ARHGEF18: variants seen among roughly 807,000 people sequenced by gnomAD.
The protein encoded by ARHGEF18 is rho guanine nucleotide exchange factor 18.
A neutral mutation model predicts 155.7 loss-of-function variants in ARHGEF18; 93 were observed. The observed-to-expected ratio is 0.60, with a 90% CI of 0.50 to 0.71. The LOEUF (loss-of-function observed/expected upper bound fraction) is 0.71. ARHGEF18 is among the 30% of genes least tolerant of loss of function. ARHGEF18 has a pLI of 0.00. For synonymous variants in ARHGEF18, 742 were observed against 753.1 expected, an observed-to-expected ratio of 0.99 and a Z score of 0.24; for missense variants, 1,593 against 1,816.1, an observed-to-expected ratio of 0.88 and a Z score of 2.23.
Position 7,448,798 on chromosome 19 carries a change from G to A in ARHGEF18, c.1737+1630G>A, listed in dbSNP as rs530654593. ...GTGGGTAGGTGCTCGAAGCCCAGCC[G>A]GAGTCAGCCAAGTCAAGGGAGACCC... is the stretch of plus-strand genomic sequence containing the variant. On this transcript the variant is annotated intron_variant, in intron 15 of 28. Coordinates refer to ENST00000668164, the MANE Select transcript of ARHGEF18 (RefSeq NM_001367823.1). Among the ~76,000 whole-genome samples, 174 of 152,162 alleles carry A rather than the reference G, an allele frequency of 1.1e-3. 1 individual carries two copies. The highest frequency in any genetic ancestry group is 4.0e-3 in the African/African-American group (166 of 41,502).
intron 10 of ARHGEF18, among the ~76,000 whole-genome samples, chr19:7,399,573 C>T (rs185912010): frequency 9.2e-5 from 14 of 151,892 alleles, no homozygotes; most frequent in East Asian, 3.9e-4. Context: ...GCTCCACCTC[C>T]GGGTTCACGC....
rs1971616257 is a variant in ARHGEF18 at position 7,395,103 on chromosome 19, C to T, written c.967+11900C>T. On this transcript the variant is annotated intron_variant, in intron 10 of 28. Transcript: ENST00000668164. This position sits in a 1 kb window ranked among gnomAD's most constrained non-coding sequence, Gnocchi z 5.0. ...CGCCTCCGAGGCGGGATCGCGCATG[C>T]GCTGCTCTCCTCGCGCGGCTTCCCG... is the stretch of plus-strand genomic sequence containing the variant. 3 of 985,410 alleles carry T rather than the reference C, an allele frequency of 3.0e-6. No homozygotes were observed. Among genetic ancestry groups the T allele is most frequent in the Non-Finnish European group, 3.6e-6 (3 of 829,998 alleles). The allele number at this position is 985,410 out of a possible 1,614,324, so 61.0% of individuals were successfully genotyped here.
intron 10 of ARHGEF18, among the ~76,000 whole-genome samples, chr19:7,426,807 G>A (rs148661336): frequency 2.6e-5 from 4 of 152,290 alleles, no homozygotes; most frequent in East Asian, 3.9e-4. Context: ...CTTTTAGGAC[G>A]AGACTGGTCC....
intron 5 of ARHGEF18, 22 bp downstream of exon 5, chr19:7,376,779 T>C: frequency 7.3e-6 from 9 of 1,228,712 alleles, no homozygotes; most frequent in Non-Finnish European, 9.2e-6. Context: ...GGGAGTTTCC[T>C]TCATTCAAAC....
At chr19:7,441,456 AGGCGT>A (rs1712902836) in intron 11 of ARHGEF18, among the ~76,000 whole-genome samples, 192 bp from the exon 12 acceptor site, 1 of 152,170 alleles carries the variant, frequency 6.6e-6, no homozygotes, top group Admixed American at 6.5e-5. Context: ...CTGGGATTAC[AGGCGT>A]GAGACACTGC....
intron 1 of ARHGEF18, among the ~76,000 whole-genome samples, chr19:7,354,679 C>T (rs908245462): frequency 1.4e-5 from 2 of 144,166 alleles, no homozygotes; most frequent in African/African-American, 2.5e-5. Context: ...GCAGGAGGAT[C>T]GCTTGTGCCT....
At chr19:7,422,340 C>A (rs111685123) in intron 10 of ARHGEF18, among the ~76,000 whole-genome samples, 2 of 152,158 alleles carry the variant, frequency 1.3e-5, no homozygotes, top group African/African-American at 4.8e-5. Context: ...CCTGTCTGCC[C>A]AGCTCCCGCC....
At position 7,444,198 on chromosome 19, in the gene ARHGEF18, C is replaced by T. The variant is rs755970396; in HGVS notation, c.1361-6C>T. Reference sequence around the variant, plus strand: ...TGGCTAAGTCCTGCCGTCTGTGTCCCTGCAGAGCTGATGCAGACAGAGGTG... The same window carrying T: ...TGGCTAAGTCCTGCCGTCTGTGTCCTTGCAGAGCTGATGCAGACAGAGGTG... On this transcript the variant is annotated splice_polypyrimidine_tract_variant and splice_region_variant and intron_variant, in intron 13 of 28. Transcript: ENST00000668164. This position sits in a 1 kb window ranked among gnomAD's most constrained non-coding sequence, Gnocchi z 4.7. The T allele has an allele frequency of 6.2e-7, 1 of 1,612,028 alleles. No homozygotes were observed. The highest frequency in any genetic ancestry group is 1.7e-5 in the Admixed American group (1 of 60,006).
At chr19:7,375,668 A>G in intron 3 of ARHGEF18, 52 bp from the exon 4 acceptor site, 1 of 1,233,318 alleles carries the variant, frequency 8.1e-7, no homozygotes, top group Non-Finnish European at 1.0e-6. Context: ...CTGGGGCAGC[A>G]GCCAGGTGGG....
At position 7,426,371 on chromosome 19, in the gene ARHGEF18, C is replaced by T. The variant is rs549800550; in HGVS notation, c.968-13973C>T. 5.9e-5 allele frequency among the ~76,000 whole-genome samples: 9 copies of T among 151,616 alleles called. No homozygotes were observed. The South Asian group carries it at 1.0e-3, about 18-fold the overall frequency. The stretch of plus-strand genomic sequence containing the variant: ...GCGTGGTGGAACGTGCCTGTCGTCC[C>T]GGCTACTCAGGAGGCTGAGGCAGGA... On this transcript the variant is annotated intron_variant, in intron 10 of 28. Coordinates refer to ENST00000668164, the MANE Select transcript of ARHGEF18 (RefSeq NM_001367823.1).
intron 2 of ARHGEF18, among the ~76,000 whole-genome samples, chr19:7,367,651 C>A (rs1969944856): frequency 6.7e-6 from 1 of 149,400 alleles, no homozygotes; most frequent in African/African-American, 2.5e-5. Flanking sequence ...GAGACTGAGG[C>A]AGGAGACTCA....
At position 7,458,705 on chromosome 19, in the gene ARHGEF18, G is replaced by C; in HGVS notation, c.2360+15G>C. On this transcript the variant is annotated intron_variant, in intron 19 of 28. Coordinates refer to ENST00000668164, the MANE Select transcript of ARHGEF18 (RefSeq NM_001367823.1). ...GCTGTGGAGAGGTGAGGAGGGCCTG[G>C]GGGTCTCCCCACCCACTGTGTTCCT... 6.2e-7 allele frequency: 1 copy of C among 1,600,854 alleles called. No individual in the cohort carries two copies. Among genetic ancestry groups the C allele is most frequent in the East Asian group, 2.2e-5 (1 of 44,476 alleles).
chr19:7,414,989 C>T lies in ARHGEF18; in HGVS notation c.968-25355C>T, dbSNP rs545882488. On this transcript the variant is annotated intron_variant, in intron 10 of 28. Transcript: ENST00000668164. ...CAGCCTGGGCCACAGAGTAAAATTC[C>T]ATCTCAAAATAAATAAGTAAATAAA... Among the ~76,000 whole-genome samples, 6 of 152,074 alleles carry T rather than the reference C, an allele frequency of 3.9e-5. No individual in the cohort carries two copies. In the East Asian group the frequency reaches 1.2e-3, roughly 29 times the overall value.
At chr19:7,367,647 G>T (rs1969944638) in intron 2 of ARHGEF18, among the ~76,000 whole-genome samples, 1 of 149,818 alleles carries the variant, frequency 6.7e-6, no homozygotes, top group Admixed American at 6.8e-5. Flanking sequence ...TCGGGAGACT[G>T]AGGCAGGAGA....
rs111791378 is a variant in ARHGEF18 at position 7,356,271 on chromosome 19, C to CT, written c.-110-6495dup. 4.6e-3 allele frequency among the ~76,000 whole-genome samples: 643 copies of CT among 139,904 alleles called. 5 individuals carry two copies. Among genetic ancestry groups the CT allele is most frequent in the East Asian group, 0.019 (94 of 4,824 alleles). The allele number at this position is 139,904 out of a possible 152,430, so 91.8% of individuals were successfully genotyped here. ...GTTGTTGCAAAGAGAGACACTTTTTCTTTTTTTTTTTTTTTCTGAGACCGA... is the reference window on the plus strand; with the variant it reads ...GTTGTTGCAAAGAGAGACACTTTTTCTTTTTTTTTTTTTTTTCTGAGACCGA... On this transcript the variant is annotated intron_variant, in intron 1 of 28. Coordinates refer to ENST00000668164, the MANE Select transcript of ARHGEF18 (RefSeq NM_001367823.1).
At chr19:7,415,274 C>T (rs1278903186) in intron 10 of ARHGEF18, among the ~76,000 whole-genome samples, 1 of 152,086 alleles carries the variant, frequency 6.6e-6, no homozygotes, top group African/African-American at 2.4e-5. Flanking sequence ...AAATGTCCAC[C>T]CCTTGCTTAG....
At chr19:7,438,700 C>A (rs923995334) in intron 10 of ARHGEF18, among the ~76,000 whole-genome samples, 1 of 152,028 alleles carries the variant, frequency 6.6e-6, no homozygotes, top group African/African-American at 2.4e-5. Context: ...CATGAGCCAC[C>A]GTGTCCGGCC....
rs2287912 is a variant in ARHGEF18 at position 7,444,229 on chromosome 19, C to T, written c.1386C>T (p.His462=). Residue 462 remains histidine, a synonymous_variant, in exon 14 of 29, where the codon CAC becomes CAT. Coordinates refer to ENST00000668164, the MANE Select transcript of ARHGEF18 (RefSeq NM_001367823.1). The surrounding 1 kb of genome is among the most constrained non-coding windows in gnomAD (Gnocchi z 4.7). ...AGCTGATGCAGACAGAGGTGCACCACGTGCGGACGCTCAAGATCATGCTGA... is the reference window on the plus strand; with the variant it reads ...AGCTGATGCAGACAGAGGTGCACCATGTGCGGACGCTCAAGATCATGCTGA... ...LYELMQTEVH[H]VRTLKIMLKV... is the part of the protein sequence containing the mutation. The T allele has an allele frequency of 5.1e-4, 815 of 1,613,472 alleles. 8 individuals carry two copies. In the East Asian group the frequency reaches 0.016, roughly 32 times the overall value.
At chr19:7,425,528 A>G (rs1973609670) in intron 10 of ARHGEF18, among the ~76,000 whole-genome samples, 1 of 151,934 alleles carries the variant, frequency 6.6e-6, no homozygotes, top group Non-Finnish European at 1.5e-5. Context: ...CTAAAAATAC[A>G]AAAATTAGCC....
Sources: allele counts gnomAD v4.1 joint callset (sites outside exome capture counted in the v4.1 genomes callset), GRCh38; gene constraint gnomAD v4.1.1; non-coding constraint Gnocchi (gnomAD v3.1); transcripts MANE v1.5; gene names NCBI Gene and HGNC (gene_info 2026-07-23, HGNC 2026-07-21).